Variants in ARHGEF38 observed in about 807,000 individuals in gnomAD.
ARHGEF38 encodes the protein Rho guanine nucleotide exchange factor (GEF) 38.
In ARHGEF38, 79 loss-of-function variants were observed where a neutral mutation model predicts 79.9. That is an observed-to-expected ratio of 0.99 (90% confidence interval 0.82 to 1.19). ARHGEF38 has a LOEUF of 1.19. ARHGEF38 is among the 50% of genes most tolerant of loss of function. The probability of loss-of-function intolerance (pLI) is 0.00; values close to 1 mark genes in which losing one functional copy is unlikely to be tolerated. For synonymous variants in ARHGEF38, 366 were observed against 328.3 expected (o/e 1.11, Z -1.24); for missense variants, 962 against 907.2 (o/e 1.06, Z -0.78).
chr4:105,643,178 A>G (rs1459663919), intron 5 of ARHGEF38, among the ~76,000 whole-genome samples: 2 of 150,744 alleles, frequency 1.3e-5, no homozygotes, highest in Non-Finnish European at 3.0e-5. Context: ...TTCAGTATTT[A>G]TAATAGATTT....
In ARHGEF38 at chr4:105,575,700, G is replaced by T. The variant is rs180671244; in HGVS notation, c.197-13548G>T. Among the ~76,000 whole-genome samples, 305 of 151,976 alleles carry T rather than the reference G, an allele frequency of 2.0e-3. 1 individual carries two copies. The highest frequency in any genetic ancestry group is 7.0e-3 in the African/African-American group (290 of 41,486). ...TTGCTTTTTTTCCATTTGCTTTTAG[G>T]GTTTTAGTCATAAATACTTTGCCTA... On this transcript the variant is annotated intron_variant, in intron 1 of 13. Coordinates refer to ENST00000420470, the MANE Select transcript of ARHGEF38 (RefSeq NM_001242729.2).
rs986184016 is a variant in ARHGEF38 at position 105,648,547 on chromosome 4, A to G, written c.875-2A>G. ...CTACGTTATTACATTCTTCCTTTTCAGTTCTAAAATACAAGAAGAATGACG... is the reference window on the plus strand; with the variant it reads ...CTACGTTATTACATTCTTCCTTTTCGGTTCTAAAATACAAGAAGAATGACG... On this transcript the variant is annotated splice_acceptor_variant, in intron 6 of 13. Transcript: ENST00000420470. LOFTEE classifies it high-confidence loss of function. The G allele has an allele frequency of 6.7e-7, 1 of 1,500,874 alleles. No individual in the cohort carries two copies. Among genetic ancestry groups the G allele is most frequent in the Non-Finnish European group, 8.8e-7 (1 of 1,131,966 alleles). 93.0% of individuals were successfully genotyped at this position (1,500,874 alleles called of 1,614,324 possible).
intron 1 of ARHGEF38, among the ~76,000 whole-genome samples, chr4:105,578,566 G>T (rs1014081140): frequency 6.6e-5 from 10 of 152,068 alleles, no homozygotes; most frequent in African/African-American, 2.2e-4. Flanking sequence ...AGGTCTAGTA[G>T]TAATTGTTTT....
intron 1 of ARHGEF38, among the ~76,000 whole-genome samples, chr4:105,558,023 T>C (rs930705672): frequency 1.3e-5 from 2 of 152,190 alleles, no homozygotes; most frequent in Non-Finnish European, 2.9e-5. Context: ...TTTCTTAGTG[T>C]GTCTGTGGTA....
intron 3 of ARHGEF38, among the ~76,000 whole-genome samples, chr4:105,626,016 C>T (rs1054853596): frequency 1.3e-5 from 2 of 152,174 alleles, no homozygotes; most frequent in Admixed American, 6.5e-5. Context: ...ACTCTGTGAA[C>T]ACTCTCGCAT....
At chr4:105,607,186 A>G (rs1560717580) in intron 2 of ARHGEF38, among the ~76,000 whole-genome samples, 2 of 152,142 alleles carry the variant, frequency 1.3e-5, no homozygotes, top group Non-Finnish European at 2.9e-5. Flanking sequence ...GGCTTCTGTC[A>G]GCAAATTAGC....
intron 10 of ARHGEF38, among the ~76,000 whole-genome samples, chr4:105,660,479 G>A (rs1730519105): frequency 7.1e-6 from 1 of 141,404 alleles, no homozygotes; most frequent in Non-Finnish European, 1.5e-5. Flanking sequence ...CACTTTTGTT[G>A]CCCAGGTTGG....
At chr4:105,657,070 T>C (rs1344462571) in intron 9 of ARHGEF38, among the ~76,000 whole-genome samples, 1 of 152,170 alleles carries the variant, frequency 6.6e-6, no homozygotes, top group East Asian at 1.9e-4. Context: ...GATAGATAGA[T>C]AGATAGTTTT....
At chr4:105,608,301 A>C (rs1416641418) in intron 2 of ARHGEF38, among the ~76,000 whole-genome samples, 1 of 151,948 alleles carries the variant, frequency 6.6e-6, no homozygotes, top group Non-Finnish European at 1.5e-5. Context: ...TTTAATTTGC[A>C]TTTGTCTGAT....
At chr4:105,603,822 T>A (rs1422178366) in intron 2 of ARHGEF38, among the ~76,000 whole-genome samples, 1 of 152,150 alleles carries the variant, frequency 6.6e-6, no homozygotes, top group Non-Finnish European at 1.5e-5. Context: ...CCTTTAGGTT[T>A]CTCAGGTATG....
intron 1 of ARHGEF38, among the ~76,000 whole-genome samples, chr4:105,553,729 A>T (rs1457115950): frequency 6.6e-6 from 1 of 152,150 alleles, no homozygotes; most frequent in Non-Finnish European, 1.5e-5. Flanking sequence ...TTGTTCTAGT[A>T]AAATTTCATT....
At chr4:105,616,342 T>C (rs1364203760) in intron 3 of ARHGEF38, among the ~76,000 whole-genome samples, 3 of 152,178 alleles carry the variant, frequency 2.0e-5, no homozygotes, top group African/African-American at 7.2e-5. Flanking sequence ...AGAGGTTTAA[T>C]TGACTCACAG....
At chr4:105,596,078 A>C (rs1167535610) in intron 2 of ARHGEF38, among the ~76,000 whole-genome samples, 2 of 152,200 alleles carry the variant, frequency 1.3e-5, no homozygotes. Context: ...CTCAATTCAG[A>C]GTCCTTGAAT....
intron 3 of ARHGEF38, among the ~76,000 whole-genome samples, chr4:105,616,339 T>C (rs1303622963): frequency 1.3e-5 from 2 of 152,200 alleles, no homozygotes; most frequent in Non-Finnish European, 2.9e-5. Context: ...AAAAGAGGTT[T>C]AATTGACTCA....
intron 1 of ARHGEF38, among the ~76,000 whole-genome samples, chr4:105,573,442 A>C (rs986524752): frequency 3.3e-5 from 5 of 152,194 alleles, no homozygotes; most frequent in Non-Finnish European, 7.4e-5. Flanking sequence ...ATTCTTTTGC[A>C]TGCAAATATC....
chr4:105,597,302 C>A (rs1227370124), intron 2 of ARHGEF38, among the ~76,000 whole-genome samples: 1 of 152,020 alleles, frequency 6.6e-6, no homozygotes, highest in African/African-American at 2.4e-5. Context: ...TAGAAGAAAC[C>A]AGATGTAAGC....
chr4:105,653,816 G>T (rs1405907202), intron 7 of ARHGEF38, among the ~76,000 whole-genome samples: 1 of 152,170 alleles, frequency 6.6e-6, no homozygotes, highest in Non-Finnish European at 1.5e-5. Context: ...ACTGTGACAT[G>T]GGTGAAGTTA....
At chr4:105,627,954 C>T (rs1403464038) in intron 3 of ARHGEF38, among the ~76,000 whole-genome samples, 1 of 151,686 alleles carries the variant, frequency 6.6e-6, no homozygotes, top group African/African-American at 2.4e-5. Flanking sequence ...AAATGACTTT[C>T]AATTAGAGTA....
At position 105,672,516 on chromosome 4, in the gene ARHGEF38, C is replaced by T. The variant is rs566909197; in HGVS notation, c.2148+4813C>T. Among the ~76,000 whole-genome samples, 17 of 152,310 alleles carry T rather than the reference C, an allele frequency of 1.1e-4. No individual in the cohort carries two copies. The South Asian group carries it at 2.7e-3, about 24-fold the overall frequency. On this transcript the variant is annotated intron_variant, in intron 13 of 13. Transcript: ENST00000420470. ...TCGAAGAATATAACAAAAGCATTCA[C>T]GTAAATATGCCTTCCCATTCTAATG...
Sources: gnomAD v4.1 joint callset for allele counts (sites outside exome capture counted in the v4.1 genomes callset) on GRCh38, gnomAD v4.1.1 for gene constraint, MANE v1.5 for transcripts, NCBI Gene and HGNC (gene_info 2026-07-23, HGNC 2026-07-21) for gene names.